The following EVI5 variants were observed in gnomAD, a reference collection of about 807,000 sequenced individuals.
EVI5 encodes ecotropic viral integration site 5 protein homolog.
EVI5 carries 73 observed loss-of-function variants against 112.0 expected under a neutral mutation model. The observed-to-expected ratio is 0.65, with a 90% CI of 0.54 to 0.79. EVI5 has a LOEUF of 0.79. Ranked by LOEUF, EVI5 falls within the 30% of genes least tolerant of loss-of-function variation. EVI5 has a pLI of 0.00. For synonymous variants in EVI5, 305 were observed against 319.9 expected (o/e 0.95, Z 0.50); for missense variants, 900 against 968.8 (o/e 0.93, Z 0.94).
intron 19 of EVI5, among the ~76,000 whole-genome samples, chr1:92,531,630 T>A (rs556099356): frequency 6.6e-6 from 1 of 152,310 alleles, no homozygotes; most frequent in Admixed American, 6.5e-5. Context: ...TGGGGGCCAA[T>A]ATTCAACATT....
At chr1:92,557,241 T>G (rs1315447739) in intron 19 of EVI5, among the ~76,000 whole-genome samples, 1 of 152,138 alleles carries the variant, frequency 6.6e-6, no homozygotes, top group Non-Finnish European at 1.5e-5. Context: ...AGTTCTTTTT[T>G]TTTTCCAGCT....
At chr1:92,787,152 TTAAA>T (rs1041965495), upstream of EVI5, among the ~76,000 whole-genome samples, 9 of 152,342 alleles carry the variant, frequency 5.9e-5, 1 homozygote, top group Admixed American at 3.9e-4. Context: ...TTCATATTTG[TTAAA>T]TATATATTTG....
At chr1:92,586,666 T>G (rs1196396194) in intron 18 of EVI5, among the ~76,000 whole-genome samples, 1 of 149,364 alleles carries the variant, frequency 6.7e-6, no homozygotes, top group Admixed American at 6.7e-5. Flanking sequence ...TCCTTACTTA[T>G]TGGCATTATA....
chr1:92,523,275 A>C (rs1661269758), intron 19 of EVI5, among the ~76,000 whole-genome samples: 1 of 152,140 alleles, frequency 6.6e-6, no homozygotes, highest in Non-Finnish European at 1.5e-5. Context: ...TAGCTCTAAC[A>C]ATCATTAAAA....
chr1:92,756,343 C>A (rs1468772817), intron 1 of EVI5: 1 of 501,442 alleles, frequency 2.0e-6, no homozygotes, highest in Non-Finnish European at 4.0e-6. Flanking sequence ...TTAAACACTA[C>A]ACAGCCAAAT....
At chr1:92,775,529 A>C (rs1160430957) in intron 1 of EVI5, among the ~76,000 whole-genome samples, 2 of 152,156 alleles carry the variant, frequency 1.3e-5, no homozygotes, top group Non-Finnish European at 2.9e-5. Flanking sequence ...ACAACTGCCT[A>C]CAGTATTCCA....
Position 92,563,738 on chromosome 1 carries a change from C to A in EVI5, c.2071-1G>T. On this transcript the variant is annotated splice_acceptor_variant, in intron 18 of 19. Coordinates refer to ENST00000684568, the MANE Select transcript of EVI5 (RefSeq NM_001350197.2). LOFTEE classifies it high-confidence loss of function. ...GTCCTTGAAGCTTTCCTTCTTCTTT[C>A]TGTTTTGTGACAAAACAACAAAGCA... 6.3e-7 allele frequency: 1 copy of A among 1,595,346 alleles called. No individual in the cohort carries two copies. The highest frequency in any genetic ancestry group is 8.6e-7 in the Non-Finnish European group (1 of 1,166,930).
intron 18 of EVI5, among the ~76,000 whole-genome samples, chr1:92,582,094 T>C (rs1284365422): frequency 6.6e-6 from 1 of 152,258 alleles, no homozygotes; most frequent in Non-Finnish European, 1.5e-5. Flanking sequence ...CCACTATACA[T>C]TTAGACTATA....
intron 1 of EVI5, chr1:92,784,223 G>A (rs1302756244): frequency 6.3e-6 from 5 of 796,706 alleles, no homozygotes; most frequent in Non-Finnish European, 7.6e-6. Context: ...ACTCTTTTGA[G>A]TGGAAACACC....
At chr1:92,648,190 C>CAAAAAA (rs961901260) in intron 13 of EVI5, among the ~76,000 whole-genome samples, 316 of 23,964 alleles carry the variant, frequency 0.013, no homozygotes, top group Non-Finnish European at 0.018. Context: ...ACTAAAAATA[C>CAAAAAA]AAAAAAAAAA....
intron 10 of EVI5, among the ~76,000 whole-genome samples, chr1:92,673,587 C>T (rs1478461732): frequency 6.6e-6 from 1 of 152,102 alleles, no homozygotes; most frequent in Non-Finnish European, 1.5e-5. Flanking sequence ...CTGCCTCGGC[C>T]TCCCAAAGTG....
intron 9 of EVI5, among the ~76,000 whole-genome samples, chr1:92,682,245 C>T (rs902839923): frequency 1.3e-5 from 2 of 152,142 alleles, no homozygotes; most frequent in Non-Finnish European, 2.9e-5. Flanking sequence ...CCTCTGGTGT[C>T]GGCTCAAATA....
intron 14 of EVI5, 78 bp from the exon 15 acceptor site, chr1:92,626,012 C>G: frequency 7.3e-6 from 6 of 825,728 alleles, no homozygotes; most frequent in Non-Finnish European, 9.9e-6. Context: ...CTATTGTGTT[C>G]CACACTTAAA....
intron 1 of EVI5, among the ~76,000 whole-genome samples, chr1:92,750,592 C>A (rs1030729325): frequency 2.4e-4 from 36 of 152,152 alleles, no homozygotes; most frequent in Admixed American, 2.4e-3. Flanking sequence ...AATTTTTGAA[C>A]TTTCCTATCA....
intron 18 of EVI5, among the ~76,000 whole-genome samples, chr1:92,581,632 A>C (rs984945856): frequency 6.6e-6 from 1 of 152,098 alleles, no homozygotes; most frequent in Non-Finnish European, 1.5e-5. Context: ...GTCACTTTTT[A>C]AAGTTTATTG....
At chr1:92,532,038 ACTCAT>A (rs1220026586) in intron 19 of EVI5, among the ~76,000 whole-genome samples, 2 of 152,068 alleles carry the variant, frequency 1.3e-5, no homozygotes, top group African/African-American at 4.8e-5. Context: ...TATTCAGGAG[ACTCAT>A]CTCATGTGCA....
intron 13 of EVI5, among the ~76,000 whole-genome samples, chr1:92,637,304 G>T (rs1029010880): frequency 1.4e-4 from 22 of 152,000 alleles, no homozygotes; most frequent in Non-Finnish European, 2.6e-4. Flanking sequence ...CTTGAGCCCG[G>T]GAGGTGGAGG....
intron 19 of EVI5, among the ~76,000 whole-genome samples, chr1:92,520,092 G>A (rs1017457569): frequency 3.3e-5 from 5 of 152,022 alleles, no homozygotes; most frequent in African/African-American, 1.2e-4. Flanking sequence ...CTTTTGGGGT[G>A]TTCTAAAAGT....
chr1:92,756,435 C>T (rs1221200304), intron 1 of EVI5: 6 of 539,676 alleles, frequency 1.1e-5, no homozygotes, highest in Non-Finnish European at 1.9e-5. Flanking sequence ...ACATGTATGG[C>T]TTCTTCGAGG....
Sources: gnomAD v4.1 joint callset for allele counts (sites outside exome capture counted in the v4.1 genomes callset) on GRCh38, gnomAD v4.1.1 for gene constraint, MANE v1.5 for transcripts, NCBI Gene and HGNC (gene_info 2026-07-23, HGNC 2026-07-21) for gene names.